The following GRHL3 variants were observed in gnomAD, a reference collection of about 807,000 sequenced individuals.
The protein encoded by GRHL3 is grainyhead like transcription factor 3.
In GRHL3, 20 loss-of-function variants were observed where a neutral mutation model predicts 70.3. The observed-to-expected ratio is 0.28, with a 90% CI of 0.20 to 0.41. The LOEUF is 0.41. Ranked by LOEUF, GRHL3 falls within the 10% of genes least tolerant of loss-of-function variation. The pLI is 1.00. For synonymous variants in GRHL3, 299 were observed against 299.9 expected, an observed-to-expected ratio of 1.00 and a Z score of 0.03; for missense variants, 637 against 762.3, an observed-to-expected ratio of 0.84 and a Z score of 1.94.
At chr1:24,320,771 G>A (rs1432836443) in intron 1 of GRHL3, among the ~76,000 whole-genome samples, 1 of 152,226 alleles carries the variant, frequency 6.6e-6, no homozygotes, top group Non-Finnish European at 1.5e-5. Flanking sequence ...GGTTGACAAT[G>A]TATTGACAAT....
Position 24,342,825 on chromosome 1 carries a change from G to A in GRHL3, c.1285+53G>A, listed in dbSNP as rs556988932. On this transcript the variant is annotated intron_variant, in intron 10 of 15. Transcript: ENST00000361548. The surrounding 1 kb of genome is among the most constrained non-coding windows in gnomAD (Gnocchi z 4.8). Reference sequence around the variant, plus strand: ...GCTCGGCTGGCGTGAAGGGGAGAAGGAGACCAGAGGTGGGAGGGACTTGAG... The same window carrying A: ...GCTCGGCTGGCGTGAAGGGGAGAAGAAGACCAGAGGTGGGAGGGACTTGAG... 32 of 1,613,838 alleles carry A rather than the reference G, an allele frequency of 2.0e-5. No homozygotes were observed. In the Admixed American group the frequency reaches 5.2e-4, roughly 26 times the overall value.
At chr1:24,335,698 T>C (rs1175359734) in intron 3 of GRHL3, among the ~76,000 whole-genome samples, 1 of 151,668 alleles carries the variant, frequency 6.6e-6, no homozygotes, top group African/African-American at 2.4e-5. Context: ...TTCTTCTGCC[T>C]CAGCCTCCCG....
chr1:24,325,434 C>T (rs1029842811), intron 1 of GRHL3, among the ~76,000 whole-genome samples: 1 of 152,192 alleles, frequency 6.6e-6, no homozygotes, highest in Non-Finnish European at 1.5e-5. Flanking sequence ...CTGTCTGCAT[C>T]CTAAATTGCT....
chr1:24,319,649 G>A (rs925456070), intron 1 of GRHL3, 81 bp downstream of exon 1: 2 of 1,611,138 alleles, frequency 1.2e-6, no homozygotes, highest in Non-Finnish European at 1.7e-6. Flanking sequence ...AGAGCGGGGA[G>A]GCCGGCACCG....
intron 1 of GRHL3, among the ~76,000 whole-genome samples, chr1:24,324,651 G>A (rs750992246): frequency 1.9e-4 from 29 of 152,234 alleles, no homozygotes; most frequent in Admixed American, 3.9e-4. Context: ...CTCAATGAAC[G>A]GTAGCTCTCA....
At chr1:24,352,439 A>G (rs1167763131) in intron 15 of GRHL3, among the ~76,000 whole-genome samples, 1 of 152,212 alleles carries the variant, frequency 6.6e-6, no homozygotes, top group African/African-American at 2.4e-5. Context: ...GGTGGCAAGT[A>G]ACAAGAGGCC....
chr1:24,343,729 C>T (rs1640138233), intron 11 of GRHL3, among the ~76,000 whole-genome samples: 1 of 152,182 alleles, frequency 6.6e-6, no homozygotes, highest in African/African-American at 2.4e-5. Context: ...AGCCTGTCTC[C>T]TAGTGCGCTT....
At chr1:24,345,014 C>CACACCTGTGCCCCCTCT in intron 12 of GRHL3, 83 bp downstream of exon 12, 4 of 1,062,918 alleles carry the variant, frequency 3.8e-6, no homozygotes, top group Non-Finnish European at 4.0e-6. Flanking sequence ...GTGCCTCCGC[C>CACACCTGTGCCCCCTCT]ACACCTGTGC....
rs771748107 is a variant in GRHL3 at position 24,346,611 on chromosome 1, A to G, written c.1513A>G (p.Lys505Glu). 2.5e-6 allele frequency: 4 copies of G among 1,613,126 alleles called. No homozygotes were observed. The South Asian group carries it at 4.4e-5, about 18-fold the overall frequency. The change falls in exon 13 of 16, where the codon AAG becomes GAG. Residue 505 changes from lysine to glutamate, a missense_variant. Coordinates refer to ENST00000361548, the MANE Select transcript of GRHL3 (RefSeq NM_198173.3). ...FTEEFEPLPSKQAKEGDLQRV... is the reference protein window; with the variant it reads ...FTEEFEPLPSEQAKEGDLQRV... ...TGAGGAGTTTGAGCCTCTGCCCTCC[A>G]AGCAGGCCAAGGAAGGCGACCTTCA...
chr1:24,336,747 T>C lies in GRHL3; in HGVS notation c.532T>C (p.Ser178Pro). Residue 178 changes from serine to proline, a missense_variant, in exon 4 of 16, where the codon TCC becomes CCC. Transcript: ENST00000361548. ...TDMYDNGSLNSLFESIHGVPP... is the reference protein window; with the variant it reads ...TDMYDNGSLNPLFESIHGVPP... The stretch of plus-strand genomic sequence containing the variant: ...TATGTATGATAATGGCTCCCTCAAC[T>C]CCTTGTTTGAGAGCATTCATGGGGT... 1 of 1,613,958 alleles carries C rather than the reference T, an allele frequency of 6.2e-7. No homozygotes were observed. The highest frequency in any genetic ancestry group is 8.5e-7 in the Non-Finnish European group (1 of 1,179,968).
chr1:24,346,503 T>G (rs1235551281), intron 12 of GRHL3, 50 bp from the exon 13 acceptor site: 2 of 1,374,052 alleles, frequency 1.5e-6, no homozygotes, highest in Non-Finnish European at 2.1e-6. Context: ...TCCTTGAGCC[T>G]CTAGGGGTCC....
intron 15 of GRHL3, among the ~76,000 whole-genome samples, chr1:24,362,380 G>A (rs1641179635): frequency 6.6e-6 from 1 of 152,216 alleles, no homozygotes; most frequent in Non-Finnish European, 1.5e-5. Context: ...AAGCATGATG[G>A]CGGAGGGGAC....
chr1:24,356,760 C>T (rs968421966), downstream of GRHL3, among the ~76,000 whole-genome samples: 9 of 152,256 alleles, frequency 5.9e-5, no homozygotes, highest in Admixed American at 1.3e-4. Flanking sequence ...GCAGTCCCTG[C>T]GTACCCTCCC....
At chr1:24,349,744 G>T (rs1473762910) in intron 14 of GRHL3, among the ~76,000 whole-genome samples, 1 of 152,296 alleles carries the variant, frequency 6.6e-6, no homozygotes, top group Middle Eastern at 3.4e-3. Context: ...ACAAGTGTTT[G>T]TTGTGACATA....
intron 7 of GRHL3, 63 bp downstream of exon 7, chr1:24,338,166 G>C (rs999923213): frequency 8.8e-7 from 1 of 1,142,328 alleles, no homozygotes; most frequent in Non-Finnish European, 1.3e-6. Flanking sequence ...GCATCAATCA[G>C]GCCTTTTTCT....
chr1:24,327,377 A>G (rs1170857266), intron 1 of GRHL3, among the ~76,000 whole-genome samples: 2 of 152,240 alleles, frequency 1.3e-5, no homozygotes, highest in Admixed American at 1.3e-4. Flanking sequence ...CCCAGTGCTC[A>G]GAAGAGTCCC....
At chr1:24,323,942 A>C (rs1467874933) in intron 1 of GRHL3, among the ~76,000 whole-genome samples, 1 of 152,276 alleles carries the variant, frequency 6.6e-6, no homozygotes, top group Non-Finnish European at 1.5e-5. Flanking sequence ...GGGACAGAAC[A>C]GTGTAGCCAC....
At chr1:24,333,047 C>T (rs1163479633) in intron 2 of GRHL3, among the ~76,000 whole-genome samples, 2 of 152,182 alleles carry the variant, frequency 1.3e-5, no homozygotes, top group East Asian at 1.9e-4. Context: ...GGTTGAGGAT[C>T]GACCATCAGA....
chr1:24,354,558 A>G lies in GRHL3; in HGVS notation c.*70A>G. The stretch of plus-strand genomic sequence containing the variant: ...AGGGACGTGGCCCCACGCCACACAC[A>G]ACCTCTCCACATGCCTCAGCGCTGT... On this transcript the variant is annotated 3_prime_UTR_variant, in exon 16 of 16. Coordinates refer to ENST00000361548, the MANE Select transcript of GRHL3 (RefSeq NM_198173.3). The G allele has an allele frequency of 1.1e-6, 1 of 947,390 alleles. No homozygotes were observed. The highest frequency in any genetic ancestry group is 1.3e-5 in the South Asian group (1 of 75,620). 58.7% of individuals were successfully genotyped at this position (947,390 alleles called of 1,614,324 possible). A position where few individuals can be genotyped will look rare whatever the true frequency, so the allele number is the denominator to read the frequency against.
Sources: gnomAD v4.1 joint callset for allele counts (sites outside exome capture counted in the v4.1 genomes callset) on GRCh38, gnomAD v4.1.1 for gene constraint, Gnocchi (gnomAD v3.1) non-coding constraint, MANE v1.5 for transcripts, NCBI Gene and HGNC (gene_info 2026-07-23, HGNC 2026-07-21) for gene names.